CAMSAP2: variants seen among roughly 807,000 people sequenced by gnomAD.
The protein encoded by CAMSAP2 is calmodulin regulated spectrin associated protein family member 2, also known as calmodulin-regulated spectrin-associated protein 2.
In CAMSAP2, 26 loss-of-function variants were observed where a neutral mutation model predicts 146.1. The ratio of observed to expected loss-of-function variants is 0.18; its 90% CI spans 0.13 to 0.25. The LOEUF is 0.25. Ranked by LOEUF, CAMSAP2 falls within the 10% of genes least tolerant of loss-of-function variation. CAMSAP2 has a pLI of 1.00. For missense variants in CAMSAP2, 1,381 were observed against 1,759.3 expected, an observed-to-expected ratio of 0.78 and a Z score of 3.85; for synonymous variants, 499 against 596.6, an observed-to-expected ratio of 0.84 and a Z score of 2.38.
chr1:200,817,191 T>TACATATAA (rs71135399), intron 4 of CAMSAP2, among the ~76,000 whole-genome samples: 4 of 133,530 alleles, frequency 3.0e-5, no homozygotes, highest in Non-Finnish European at 5.0e-5. Flanking sequence ...CACACACACA[T>TACATATAA]GTGTGTGTGT....
chr1:200,835,924 C>T (rs766082106), intron 6 of CAMSAP2, among the ~76,000 whole-genome samples: 3 of 152,096 alleles, frequency 2.0e-5, no homozygotes, highest in Non-Finnish European at 4.4e-5. Context: ...ACATAATATA[C>T]AGTCCTGATG....
At chr1:200,785,141 T>C (rs1158278927) in intron 2 of CAMSAP2, among the ~76,000 whole-genome samples, 4 of 152,164 alleles carry the variant, frequency 2.6e-5, no homozygotes, top group Non-Finnish European at 4.4e-5. Flanking sequence ...TTATATATTG[T>C]TAGGTTTAAT....
intron 2 of CAMSAP2, among the ~76,000 whole-genome samples, chr1:200,792,431 G>A (rs1665779148): frequency 6.6e-6 from 1 of 152,196 alleles, no homozygotes; most frequent in Non-Finnish European, 1.5e-5. Flanking sequence ...GAGAGTTTGA[G>A]ATCGGGAGTT....
At chr1:200,783,011 C>T (rs775011009) in intron 2 of CAMSAP2, among the ~76,000 whole-genome samples, 3 of 151,780 alleles carry the variant, frequency 2.0e-5, no homozygotes, top group Non-Finnish European at 4.4e-5. Context: ...AGCAATTCGC[C>T]TGCCTCGGCC....
intron 4 of CAMSAP2, among the ~76,000 whole-genome samples, chr1:200,829,945 TAAAATA>T (rs1472172607): frequency 6.6e-6 from 1 of 150,506 alleles, no homozygotes; most frequent in Admixed American, 6.6e-5. Flanking sequence ...ATAATAATAA[TAAAATA>T]AAAATAAAAC....
At chr1:200,749,161 C>T (rs1483918005) in intron 1 of CAMSAP2, among the ~76,000 whole-genome samples, 1 of 152,206 alleles carries the variant, frequency 6.6e-6, no homozygotes, top group Admixed American at 6.5e-5. Context: ...TTTCATGTGT[C>T]CTGTCTCTAC....
intron 6 of CAMSAP2, among the ~76,000 whole-genome samples, chr1:200,837,496 T>G (rs1667214805): frequency 6.6e-6 from 1 of 152,178 alleles, no homozygotes; most frequent in South Asian, 2.1e-4. Flanking sequence ...TAGTTTGCAG[T>G]CAGGTAACAT....
chr1:200,818,894 C>T lies in CAMSAP2; in HGVS notation c.645+3250C>T, dbSNP rs78668386. On this transcript the variant is annotated intron_variant, in intron 4 of 16. Coordinates refer to ENST00000358823, the MANE Select transcript of CAMSAP2 (RefSeq NM_203459.4). ...ACTTCAGTCAGCTTTTCTAGTGAGG[C>T]GTACTCAGGAGCCTAGCCCTGTTGC... 9.2e-3 allele frequency among the ~76,000 whole-genome samples: 1,407 copies of T among 152,252 alleles called. 19 individuals are homozygous for T. The highest frequency in any genetic ancestry group is 0.031 in the African/African-American group (1,296 of 41,536).
Position 200,857,517 on chromosome 1 carries a change from C to G in CAMSAP2, c.4131+93C>G. On this transcript the variant is annotated intron_variant, in intron 16 of 16. Coordinates refer to ENST00000358823, the MANE Select transcript of CAMSAP2 (RefSeq NM_203459.4). This position sits in a 1 kb window ranked among gnomAD's most constrained non-coding sequence, Gnocchi z 4.7. Reference sequence around the variant, plus strand: ...TACTCTCATGGGCCTAGACTTTCAACAGCATGTAAAAAGATCTGTAGCTAG... The same window carrying G: ...TACTCTCATGGGCCTAGACTTTCAAGAGCATGTAAAAAGATCTGTAGCTAG... 1.1e-6 allele frequency: 1 copy of G among 904,174 alleles called. No homozygotes were observed. The highest frequency in any genetic ancestry group is 2.3e-5 in the Admixed American group (1 of 43,250). The allele number at this position is 904,174 out of a possible 1,614,324, so 56.0% of individuals were successfully genotyped here.
At chr1:200,743,440 A>G (rs1226103558) in intron 1 of CAMSAP2, among the ~76,000 whole-genome samples, 1 of 152,170 alleles carries the variant, frequency 6.6e-6, no homozygotes, top group African/African-American at 2.4e-5. Flanking sequence ...TTGTGCATAT[A>G]TGAAGATAGT....
chr1:200,802,626 T>C (rs895616231), intron 2 of CAMSAP2, among the ~76,000 whole-genome samples: 5 of 152,200 alleles, frequency 3.3e-5, no homozygotes, highest in Non-Finnish European at 5.9e-5. Flanking sequence ...TACTTGGGCA[T>C]AGTAGGCAGT....
chr1:200,801,836 T>G (rs911440922), intron 2 of CAMSAP2, among the ~76,000 whole-genome samples: 11 of 152,242 alleles, frequency 7.2e-5, no homozygotes, highest in Non-Finnish European at 1.0e-4. Context: ...TATCCTTGTT[T>G]TCTTTTTCAT....
chr1:200,824,235 C>CTT (rs76100494), intron 4 of CAMSAP2, among the ~76,000 whole-genome samples: 1 of 141,184 alleles, frequency 7.1e-6, no homozygotes, highest in East Asian at 2.1e-4. Flanking sequence ...TCATCCATCT[C>CTT]TTTTTTTTTT....
intron 1 of CAMSAP2, among the ~76,000 whole-genome samples, chr1:200,748,547 A>G (rs1664408220): frequency 6.6e-6 from 1 of 151,814 alleles, no homozygotes; most frequent in Non-Finnish European, 1.5e-5. Flanking sequence ...TCAGGTATAT[A>G]TGACCAGAAG....
At chr1:200,779,958 C>T (rs983499845) in intron 2 of CAMSAP2, among the ~76,000 whole-genome samples, 2 of 151,980 alleles carry the variant, frequency 1.3e-5, no homozygotes, top group African/African-American at 4.8e-5. Context: ...GCTATTTTGA[C>T]ATTTTATCAT....
At chr1:200,752,682 A>T (rs1055870133) in intron 1 of CAMSAP2, among the ~76,000 whole-genome samples, 6 of 149,418 alleles carry the variant, frequency 4.0e-5, no homozygotes, top group Non-Finnish European at 8.9e-5. Context: ...CAGTGGCGCC[A>T]TCTCAGCTCA....
chr1:200,788,306 A>G (rs1665651390), intron 2 of CAMSAP2, among the ~76,000 whole-genome samples: 1 of 152,208 alleles, frequency 6.6e-6, no homozygotes, highest in African/African-American at 2.4e-5. Flanking sequence ...GGTTGCTTCC[A>G]AGTTTTGGCA....
At chr1:200,812,490 TC>T (rs1234439653) in intron 3 of CAMSAP2, among the ~76,000 whole-genome samples, 1 of 152,220 alleles carries the variant, frequency 6.6e-6, no homozygotes, top group African/African-American at 2.4e-5. Flanking sequence ...TTTTCCTTGA[TC>T]CATTCTACCA....
At chr1:200,836,574 G>A (rs768255207) in intron 6 of CAMSAP2, among the ~76,000 whole-genome samples, 2 of 152,082 alleles carry the variant, frequency 1.3e-5, no homozygotes, top group African/African-American at 4.8e-5. Flanking sequence ...TGTCTTTTTG[G>A]TGGAATGATT....
Sources: allele counts gnomAD v4.1 joint callset (sites outside exome capture counted in the v4.1 genomes callset), GRCh38; gene constraint gnomAD v4.1.1; non-coding constraint Gnocchi (gnomAD v3.1); transcripts MANE v1.5; gene names NCBI Gene and HGNC (gene_info 2026-07-23, HGNC 2026-07-21).